Variants in ZNF618 observed in about 807,000 individuals in gnomAD.
ZNF618 encodes neural precursor cell expressed, developmentally down-regulated 10.
ZNF618 carries 34 observed loss-of-function variants against 103.0 expected under a neutral mutation model. The observed-to-expected ratio is 0.33, with a 90% CI of 0.25 to 0.44. The LOEUF is 0.44. ZNF618 is among the 20% of genes least tolerant of loss of function. The probability of loss-of-function intolerance (pLI) is 1.00; values close to 1 mark genes in which losing one functional copy is unlikely to be tolerated. For missense variants in ZNF618, 1,059 were observed against 1,295.4 expected (o/e 0.82, Z 2.80); for synonymous variants, 551 against 542.2 (o/e 1.02, Z -0.23).
At chr9:114,045,970 A>G (rs1845616063) in intron 13 of ZNF618, among the ~76,000 whole-genome samples, 1 of 152,060 alleles carries the variant, frequency 6.6e-6, no homozygotes, top group African/African-American at 2.4e-5. Context: ...ATGGTAAGTA[A>G]TTATTTTCAA....
At chr9:113,896,565 AG>A (rs951241478) in intron 1 of ZNF618, among the ~76,000 whole-genome samples, 3 of 152,034 alleles carry the variant, frequency 2.0e-5, no homozygotes, top group Non-Finnish European at 4.4e-5. Context: ...TTCTGTTTTT[AG>A]GATTTATTTT....
intron 13 of ZNF618, among the ~76,000 whole-genome samples, chr9:114,040,561 A>G (rs1251219418): frequency 3.3e-5 from 5 of 151,972 alleles, no homozygotes; most frequent in Non-Finnish European, 7.4e-5. Flanking sequence ...ATTCCCACCT[A>G]TGAGTGAGAA....
intron 1 of ZNF618, among the ~76,000 whole-genome samples, chr9:113,940,702 A>G (rs903659177): frequency 6.6e-6 from 1 of 152,138 alleles, no homozygotes; most frequent in African/African-American, 2.4e-5. Context: ...TTGTTTTAAA[A>G]TAATGTAAGA....
intron 3 of ZNF618, among the ~76,000 whole-genome samples, chr9:113,996,551 G>T (rs1321877363): frequency 1.3e-5 from 2 of 152,198 alleles, no homozygotes; most frequent in East Asian, 3.9e-4. Flanking sequence ...TCCTCGCCTG[G>T]TCTGTCTGAT....
intron 13 of ZNF618, among the ~76,000 whole-genome samples, chr9:114,039,937 G>T (rs546144493): frequency 2.1e-4 from 31 of 150,786 alleles, no homozygotes; most frequent in African/African-American, 6.5e-4. Context: ...ATGTACATGT[G>T]GGGGAGGGGG....
chr9:113,942,081 C>T (rs888161361), intron 1 of ZNF618, among the ~76,000 whole-genome samples: 2 of 152,120 alleles, frequency 1.3e-5, no homozygotes, highest in Middle Eastern at 3.2e-3. Context: ...AGGAAGTGGT[C>T]AATACGGGAA....
intron 12 of ZNF618, among the ~76,000 whole-genome samples, chr9:114,033,151 T>G (rs1446519027): frequency 6.6e-6 from 1 of 152,202 alleles, no homozygotes; most frequent in Non-Finnish European, 1.5e-5. Flanking sequence ...GGCTCACACC[T>G]GTAATCCCAG....
chr9:113,919,080 C>T (rs1050126204), intron 1 of ZNF618, among the ~76,000 whole-genome samples: 1 of 152,164 alleles, frequency 6.6e-6, no homozygotes, highest in Non-Finnish European at 1.5e-5. Flanking sequence ...TCCCTTTCAG[C>T]TTGTTTTCAG....
chr9:113,930,516 A>C (rs979352378), intron 1 of ZNF618, among the ~76,000 whole-genome samples: 1 of 152,138 alleles, frequency 6.6e-6, no homozygotes, highest in African/African-American at 2.4e-5. Flanking sequence ...AATTATTGCC[A>C]TTTTAGGCAA....
intron 10 of ZNF618, among the ~76,000 whole-genome samples, chr9:114,021,765 C>T (rs1437642172): frequency 6.6e-6 from 1 of 152,122 alleles, no homozygotes; most frequent in Non-Finnish European, 1.5e-5. Flanking sequence ...CACTAATCTG[C>T]TTCCTATTAC....
chr9:114,002,012 A>G lies in ZNF618; in HGVS notation c.450A>G (p.Gly150=), dbSNP rs1841269423. The stretch of plus-strand genomic sequence containing the variant: ...GTTTTCCAGGGTCTTACGAATGCGG[A>G]ATCTGTGGCAAGAAGTACAAGTATT... The part of the protein sequence containing the change: ...LRYASGSYEC[G]ICGKKYKYYN... The change falls in exon 5 of 15, where the codon GGA becomes GGG. Residue 150 remains glycine (G), a synonymous_variant. Coordinates refer to ENST00000374126, the MANE Select transcript of ZNF618 (RefSeq NM_001318042.2). 1.2e-6 allele frequency: 2 copies of G among 1,613,834 alleles called. No individual in the cohort carries two copies. The highest frequency in any genetic ancestry group is 2.7e-5 in the African/African-American group (2 of 74,930).
intron 3 of ZNF618, among the ~76,000 whole-genome samples, chr9:113,989,514 G>A (rs1250277504): frequency 1.3e-5 from 2 of 152,214 alleles, no homozygotes; most frequent in Non-Finnish European, 2.9e-5. Flanking sequence ...CATTCCTGGC[G>A]TGGAGGCCTT....
intron 1 of ZNF618, among the ~76,000 whole-genome samples, chr9:113,912,696 C>T (rs560797081): frequency 2.6e-5 from 4 of 152,262 alleles, no homozygotes; most frequent in South Asian, 2.1e-4. Flanking sequence ...TTCCTCCCCT[C>T]GTCTTCCTCC....
chr9:113,928,016 A>C (rs901193817), intron 1 of ZNF618, among the ~76,000 whole-genome samples: 1 of 152,176 alleles, frequency 6.6e-6, no homozygotes, highest in Admixed American at 6.5e-5. Context: ...TCAGTTTGTT[A>C]AGGTTTTTTT....
intron 13 of ZNF618, among the ~76,000 whole-genome samples, chr9:114,040,257 C>T (rs909428807): frequency 2.8e-4 from 42 of 152,014 alleles, no homozygotes; most frequent in Non-Finnish European, 5.3e-4. Flanking sequence ...GTCACACCAT[C>T]GCAGAACTGG....
At chr9:113,969,668 A>G (rs1171171253) in intron 2 of ZNF618, among the ~76,000 whole-genome samples, 1 of 152,220 alleles carries the variant, frequency 6.6e-6, no homozygotes, top group African/African-American at 2.4e-5. Flanking sequence ...GGTGGTCCCC[A>G]ATAGAGAACT....
At chr9:113,981,720 C>T (rs940535369) in intron 2 of ZNF618, among the ~76,000 whole-genome samples, 3 of 152,226 alleles carry the variant, frequency 2.0e-5, no homozygotes, top group Non-Finnish European at 4.4e-5. Context: ...TCTTAGGCTG[C>T]AAGCTTTAGT....
At chr9:114,022,693 TC>T (rs113180809) in intron 10 of ZNF618, among the ~76,000 whole-genome samples, 13,724 of 151,008 alleles carry the variant, frequency 0.091, 767 homozygotes, top group African/African-American at 0.15. Flanking sequence ...TTTCCCACTT[TC>T]TTTTTTAATT....
intron 10 of ZNF618, among the ~76,000 whole-genome samples, chr9:114,018,757 C>G (rs1481454618): frequency 1.3e-5 from 2 of 152,228 alleles, no homozygotes; most frequent in Non-Finnish European, 2.9e-5. Flanking sequence ...CTATTATGAA[C>G]TCTCTTTCTT....
Sources: allele counts gnomAD v4.1 joint callset (sites outside exome capture counted in the v4.1 genomes callset), GRCh38; gene constraint gnomAD v4.1.1; transcripts MANE v1.5; gene names NCBI Gene and HGNC (gene_info 2026-07-23, HGNC 2026-07-21).